The following FGF5 variants were observed in gnomAD, a reference collection of about 807,000 sequenced individuals.
FGF5 encodes fibroblast growth factor 5.
FGF5 carries 23 observed loss-of-function variants against 21.8 expected under a neutral mutation model. The observed-to-expected ratio is 1.05, with a 90% CI of 0.76 to 1.49. The LOEUF (loss-of-function observed/expected upper bound fraction) is 1.49. Among genes scored for constraint, FGF5 ranks in the 40% most tolerant of loss-of-function variants. FGF5 has a pLI of 0.00. For missense variants in FGF5, 352 were observed against 332.9 expected (o/e 1.06, Z -0.45); for synonymous variants, 158 against 124.0 (o/e 1.27, Z -1.82).
intron 1 of FGF5, among the ~76,000 whole-genome samples, chr4:80,267,998 T>C (rs768887013): frequency 6.6e-6 from 1 of 152,234 alleles, no homozygotes; most frequent in Non-Finnish European, 1.5e-5. Context: ...AAGTTCCTTA[T>C]TTTAGAAGAA....
At chr4:80,278,642 T>C (rs770557974) in intron 2 of FGF5, among the ~76,000 whole-genome samples, 7 of 152,226 alleles carry the variant, frequency 4.6e-5, no homozygotes, top group Non-Finnish European at 7.3e-5. Flanking sequence ...GCAGCATTGA[T>C]GCTGATTCCA....
At chr4:80,284,231 C>A (rs1423204561) in intron 2 of FGF5, among the ~76,000 whole-genome samples, 1 of 152,046 alleles carries the variant, frequency 6.6e-6, no homozygotes, top group South Asian at 2.1e-4. Context: ...GTCAGGAATT[C>A]GAGACAAGCC....
chr4:80,275,702 T>C (rs1278308473), intron 2 of FGF5, among the ~76,000 whole-genome samples: 1 of 152,074 alleles, frequency 6.6e-6, no homozygotes, highest in Non-Finnish European at 1.5e-5. Context: ...TGGGAAGTAT[T>C]AAAACATTTT....
chr4:80,273,141 T>A (rs1406109594), intron 1 of FGF5, among the ~76,000 whole-genome samples: 2 of 151,938 alleles, frequency 1.3e-5, no homozygotes, highest in Non-Finnish European at 2.9e-5. Flanking sequence ...TTAAAAACAT[T>A]TTGAAGGAAA....
Position 80,267,070 on chromosome 4 carries a change from C to T in FGF5, c.246C>T (p.Ser82=). Residue 82 remains serine (S), a synonymous_variant, in exon 1 of 3, where the codon AGC becomes AGT. Coordinates refer to ENST00000312465, the MANE Select transcript of FGF5 (RefSeq NM_004464.4). ...SGLEQSSFQW[S]PSGRRTGSLY... ...TGGAGCAGAGCAGTTTCCAGTGGAG[C>T]CCCTCGGGGCGCCGGACCGGCAGCC... 6.2e-7 allele frequency: 1 copy of T among 1,614,226 alleles called. No individual in the cohort carries two copies. The highest frequency in any genetic ancestry group is 8.5e-7 in the Non-Finnish European group (1 of 1,180,036).
Position 80,290,521 on chromosome 4 carries a change from T to A in FGF5, c.*3849T>A, listed in dbSNP as rs900032701. On this transcript the variant is annotated 3_prime_UTR_variant, in exon 3 of 3. Transcript: ENST00000312465. ...TGGAGTCAGGTGAGGCATCTTTACATCTAAGAATTTTTTTTTAAATTTTAT... is the reference window on the plus strand; with the variant it reads ...TGGAGTCAGGTGAGGCATCTTTACAACTAAGAATTTTTTTTTAAATTTTAT... 2.0e-5 allele frequency: 3 copies of A among 152,094 alleles called. No homozygotes were observed. The highest frequency in any genetic ancestry group is 4.4e-5 in the Non-Finnish European group (3 of 67,992). The allele number at this position is 152,094 out of a possible 1,614,324, so 9.4% of individuals were successfully genotyped here. A position where few individuals can be genotyped will look rare whatever the true frequency, so the allele number is the denominator to read the frequency against.
intron 2 of FGF5, among the ~76,000 whole-genome samples, chr4:80,281,527 C>A (rs1441799964): frequency 2.0e-5 from 3 of 152,058 alleles, no homozygotes; most frequent in Non-Finnish European, 4.4e-5. Flanking sequence ...TGAAATAAAT[C>A]ATTAAAATTG....
At chr4:80,280,419 T>C (rs2109925979) in intron 2 of FGF5, among the ~76,000 whole-genome samples, 1 of 152,290 alleles carries the variant, frequency 6.6e-6, no homozygotes, top group South Asian at 2.1e-4. Context: ...ATTTGAAGAG[T>C]GACACTTGTC....
rs1720852509 is a variant in FGF5 at position 80,290,132 on chromosome 4, A to C, written c.*3460A>C. On this transcript the variant is annotated 3_prime_UTR_variant, in exon 3 of 3. Coordinates refer to ENST00000312465, the MANE Select transcript of FGF5 (RefSeq NM_004464.4). ...TGGCATAATTTTTACAGTTGCAGAG[A>C]ATTGTTTCTGGGCTCATTAAAAAAA... The C allele has an allele frequency of 6.6e-6, 1 of 152,150 alleles. No homozygotes were observed. The highest frequency in any genetic ancestry group is 1.5e-5 in the Non-Finnish European group (1 of 68,022). The allele number at this position is 152,150 out of a possible 1,614,324, so 9.4% of individuals were successfully genotyped here.
chr4:80,283,534 A>T (rs1720629023), intron 2 of FGF5, among the ~76,000 whole-genome samples: 1 of 152,186 alleles, frequency 6.6e-6, no homozygotes, highest in South Asian at 2.1e-4. Context: ...GTGTCTGCAC[A>T]TGCACCTGTG....
intron 1 of FGF5, among the ~76,000 whole-genome samples, chr4:80,273,919 T>C (rs35118913): frequency 0.011 from 1,659 of 152,208 alleles, 21 homozygotes; most frequent in African/African-American, 0.037. Flanking sequence ...AATTTTGAAA[T>C]AGACAACTAA....
chr4:80,282,951 G>C (rs966288474), intron 2 of FGF5, among the ~76,000 whole-genome samples: 1 of 152,150 alleles, frequency 6.6e-6, no homozygotes, highest in East Asian at 1.9e-4. Flanking sequence ...CTCTAGCTAA[G>C]ACCTATGACT....
Position 80,288,996 on chromosome 4 carries a change from AT to A in FGF5, c.*2340del, listed in dbSNP as rs35583660. The A allele has an allele frequency of 4.2e-3, 594 of 141,420 alleles. 1 individual carries two copies. The highest frequency in any genetic ancestry group is 0.022 in the East Asian group (107 of 4,878). 8.8% of individuals were successfully genotyped at this position (141,420 alleles called of 1,614,324 possible). On this transcript the variant is annotated 3_prime_UTR_variant, in exon 3 of 3. Coordinates refer to ENST00000312465, the MANE Select transcript of FGF5 (RefSeq NM_004464.4). ...TTGTCTTTACTGGCCATACAAAATG[AT>A]TTTTTTTTTTTTTTTGAGACAGAGT... is the stretch of plus-strand genomic sequence containing the variant.
In FGF5 at chr4:80,266,876, G is replaced by T. The variant is rs1720102662; in HGVS notation, c.52G>T (p.Ala18Ser). 1.2e-6 allele frequency: 2 copies of T among 1,612,072 alleles called. No individual in the cohort carries two copies. Among genetic ancestry groups the T allele is most frequent in the South Asian group, 1.1e-5 (1 of 90,764 alleles). Residue 18 changes from alanine to serine, a missense_variant, in exon 1 of 3, where the codon GCC (alanine) becomes TCC (serine). By Grantham distance (99) the Ala-to-Ser change is moderately conservative (BLOSUM62 1). Coordinates refer to ENST00000312465, the MANE Select transcript of FGF5 (RefSeq NM_004464.4). The stretch of plus-strand genomic sequence containing the variant: ...CTTCTTCAGCCACCTGATCCTCAGC[G>T]CCTGGGCTCACGGGGAGAAGCGTCT... Reference protein sequence around the residue: ...LLFFSHLILSAWAHGEKRLAP... With the variant: ...LLFFSHLILSSWAHGEKRLAP...
At chr4:80,267,941 G>T (rs934125202) in intron 1 of FGF5, among the ~76,000 whole-genome samples, 6 of 152,190 alleles carry the variant, frequency 3.9e-5, no homozygotes, top group Non-Finnish European at 5.9e-5. Context: ...TGACTACACC[G>T]TATTAGGAGA....
At chr4:80,272,926 C>A (rs1335719874) in intron 1 of FGF5, among the ~76,000 whole-genome samples, 1 of 152,048 alleles carries the variant, frequency 6.6e-6, no homozygotes, top group African/African-American at 2.4e-5. Context: ...CAATATCATT[C>A]CGTATTTCCA....
chr4:80,274,337 T>C (rs1056635508), intron 1 of FGF5, among the ~76,000 whole-genome samples: 1 of 152,168 alleles, frequency 6.6e-6, no homozygotes, highest in African/African-American at 2.4e-5. Flanking sequence ...TTATTTATAA[T>C]GCTTTCAGTA....
chr4:80,283,127 A>T (rs1720603568), intron 2 of FGF5, among the ~76,000 whole-genome samples: 1 of 152,236 alleles, frequency 6.6e-6, no homozygotes, highest in Non-Finnish European at 1.5e-5. Flanking sequence ...GTTCCATCAC[A>T]GCTGGAATAA....
At position 80,266,727 on chromosome 4, in the gene FGF5, G is replaced by T. The variant is rs1229124522; in HGVS notation, c.-98G>T. 4 of 1,049,662 alleles carry T rather than the reference G, an allele frequency of 3.8e-6. No individual in the cohort carries two copies. The highest frequency in any genetic ancestry group is 1.6e-5 in the African/African-American group (1 of 62,792). 65.0% of individuals were successfully genotyped at this position (1,049,662 alleles called of 1,614,324 possible). On this transcript the variant is annotated 5_prime_UTR_variant, in exon 1 of 3. Transcript: ENST00000312465. ...CCCCGAGGCTATGTCCACCCGGTGCGGCGAGGCGGGCAGAGCCAGAGGCAC... is the reference window on the plus strand; with the variant it reads ...CCCCGAGGCTATGTCCACCCGGTGCTGCGAGGCGGGCAGAGCCAGAGGCAC...
Sources: gnomAD v4.1 joint callset for allele counts (sites outside exome capture counted in the v4.1 genomes callset) on GRCh38, gnomAD v4.1.1 for gene constraint, MANE v1.5 for transcripts, NCBI Gene and HGNC (gene_info 2026-07-23, HGNC 2026-07-21) for gene names.